The following PIK3AP1 variants were observed in gnomAD, a reference collection of about 807,000 sequenced individuals.
The protein encoded by PIK3AP1 is phosphoinositide-3-kinase adaptor protein 1, also known as phosphoinositide 3-kinase adapter protein 1.
In PIK3AP1, 21 loss-of-function variants were observed where a neutral mutation model predicts 88.1. The observed-to-expected ratio is 0.24, with a 90% confidence interval of 0.17 to 0.34. The LOEUF (loss-of-function observed/expected upper bound fraction) is 0.34, where lower values mean the gene tolerates loss of function less well. Among genes scored for constraint, PIK3AP1 ranks in the 10% least tolerant of loss-of-function variants. PIK3AP1 has a pLI of 1.00. For synonymous variants in PIK3AP1, 398 were observed against 400.0 expected (o/e 1.00, Z 0.06); for missense variants, 828 against 1,035.7 (o/e 0.80, Z 2.75).
chr10:96,710,259 A>G (rs1398275485), intron 1 of PIK3AP1, among the ~76,000 whole-genome samples: 1 of 151,818 alleles, frequency 6.6e-6, no homozygotes, highest in Non-Finnish European at 1.5e-5. Context: ...GTCTCGCTCT[A>G]TCACCCAGGC....
chr10:96,617,961 T>C (rs1843018515), intron 12 of PIK3AP1, among the ~76,000 whole-genome samples: 1 of 152,020 alleles, frequency 6.6e-6, no homozygotes, highest in South Asian at 2.1e-4. Flanking sequence ...ATGTCCATTG[T>C]GAGAGGGTGA....
At chr10:96,624,341 T>C (rs967078673) in intron 10 of PIK3AP1, among the ~76,000 whole-genome samples, 3 of 152,226 alleles carry the variant, frequency 2.0e-5, no homozygotes, top group African/African-American at 7.2e-5. Context: ...CAGCAATACC[T>C]TGGCATGCTA....
intron 4 of PIK3AP1, 92 bp from the exon 5 acceptor site, chr10:96,651,743 TGAG>T: frequency 7.1e-7 from 1 of 1,408,436 alleles, no homozygotes; most frequent in South Asian, 1.3e-5. Context: ...ATCTGAGTGG[TGAG>T]GACACTAATT....
chr10:96,693,031 C>T (rs920518029), intron 2 of PIK3AP1, among the ~76,000 whole-genome samples: 2 of 152,156 alleles, frequency 1.3e-5, no homozygotes, highest in Admixed American at 6.5e-5. Context: ...TTGCCCTGTC[C>T]ACTGTAGAAA....
intron 8 of PIK3AP1, 94 bp from the exon 9 acceptor site, chr10:96,628,587 T>C (rs1174803317): frequency 2.0e-6 from 2 of 1,018,078 alleles, no homozygotes; most frequent in African/African-American, 3.2e-5. Context: ...GCAACTCTCT[T>C]AAGAGATTCA....
chr10:96,600,592 C>T (rs1456462988), intron 16 of PIK3AP1, among the ~76,000 whole-genome samples: 1 of 152,186 alleles, frequency 6.6e-6, no homozygotes, highest in African/African-American at 2.4e-5. Context: ...ACAAATGTTG[C>T]TGGGAGCGCA....
rs1044084336 is a variant in PIK3AP1, at chr10:96,646,168, G to A, written c.1186-506C>T. ...CCAGCTACTCGGGAGGCCGAGGCAT[G>A]AGAATTGCTTGAATCCAGGAGGTGG... On this transcript the variant is annotated intron_variant, in intron 7 of 16. Coordinates refer to ENST00000339364, the MANE Select transcript of PIK3AP1 (RefSeq NM_152309.3). Among the ~76,000 whole-genome samples, 5 of 152,092 alleles carry A rather than the reference G, an allele frequency of 3.3e-5. No individual in the cohort carries two copies. The East Asian group carries it at 9.6e-4, about 29-fold the overall frequency.
At chr10:96,637,547 G>A (rs774374896) in intron 8 of PIK3AP1, among the ~76,000 whole-genome samples, 11 of 151,776 alleles carry the variant, frequency 7.2e-5, no homozygotes, top group Non-Finnish European at 1.5e-4. Context: ...GTGGGTTTTC[G>A]CCATGTTGCC....
At chr10:96,641,429 T>A (rs941219768) in intron 8 of PIK3AP1, among the ~76,000 whole-genome samples, 2 of 152,200 alleles carry the variant, frequency 1.3e-5, no homozygotes, top group African/African-American at 4.8e-5. Flanking sequence ...GTTTGTCCTG[T>A]GAGCGAATCA....
chr10:96,636,816 C>A (rs893511439), intron 8 of PIK3AP1, among the ~76,000 whole-genome samples: 6 of 143,238 alleles, frequency 4.2e-5, no homozygotes. Flanking sequence ...CCAGAAAGAA[C>A]CCACTCCTGG....
chr10:96,636,035 G>A (rs531419393), intron 8 of PIK3AP1, among the ~76,000 whole-genome samples: 17 of 152,124 alleles, frequency 1.1e-4, no homozygotes, highest in Non-Finnish European at 1.6e-4. Context: ...GTAAAACCCC[G>A]TCTCTACTAA....
chr10:96,617,149 A>G (rs1233311011), intron 12 of PIK3AP1, among the ~76,000 whole-genome samples: 1 of 152,194 alleles, frequency 6.6e-6, no homozygotes, highest in East Asian at 1.9e-4. Context: ...ACCATCCAGC[A>G]CTTGGGCTAT....
At position 96,709,943 on chromosome 10, in the gene PIK3AP1, C is replaced by G; in HGVS notation, c.54G>C (p.Pro18=). 6.2e-7 allele frequency: 1 copy of G among 1,602,678 alleles called. No individual in the cohort carries two copies. Among genetic ancestry groups the G allele is most frequent in the Non-Finnish European group, 8.5e-7 (1 of 1,171,576 alleles). ...RGCDILIVYS[P]DAEEWCQYLQ... The stretch of plus-strand genomic sequence containing the variant: ...GGTACTGGCACCATTCCTCGGCATC[C>G]GGGCTGTAGACGATGAGGATGTCGC... Residue 18 remains proline, a synonymous_variant, in exon 2 of 17, where the codon CCG becomes CCC. Transcript: ENST00000339364.
At chr10:96,675,141 C>T (rs1843900561) in intron 2 of PIK3AP1, among the ~76,000 whole-genome samples, 1 of 151,884 alleles carries the variant, frequency 6.6e-6, no homozygotes, top group South Asian at 2.1e-4. Flanking sequence ...GATCTGCCTG[C>T]CTCAGCCACC....
intron 1 of PIK3AP1, among the ~76,000 whole-genome samples, chr10:96,719,783 TC>T (rs34447563): frequency 6.6e-6 from 1 of 152,094 alleles, no homozygotes; most frequent in Non-Finnish European, 1.5e-5. Context: ...CCGCCAACTC[TC>T]CCCATTCCCC....
chr10:96,676,155 G>A (rs517490), intron 2 of PIK3AP1, among the ~76,000 whole-genome samples: 26,347 of 151,958 alleles, frequency 0.17, 3,274 homozygotes, highest in African/African-American at 0.34. Flanking sequence ...CAGCTGTGAA[G>A]CCACATCTGT....
chr10:96,628,908 G>GATATATATA (rs1843197413), intron 8 of PIK3AP1, among the ~76,000 whole-genome samples: 1 of 82,640 alleles, frequency 1.2e-5, no homozygotes, highest in South Asian at 3.9e-4. Context: ...ATATATATAT[G>GATATATATA]TGTATATATA....
intron 3 of PIK3AP1, among the ~76,000 whole-genome samples, chr10:96,655,092 G>T (rs1843596975): frequency 6.6e-6 from 1 of 152,186 alleles, no homozygotes; most frequent in South Asian, 2.1e-4. Context: ...GTCTCACCAT[G>T]TTGCCCAGGC....
intron 2 of PIK3AP1, among the ~76,000 whole-genome samples, chr10:96,677,487 T>G (rs1843939149): frequency 6.6e-6 from 1 of 150,966 alleles, no homozygotes; most frequent in African/African-American, 2.4e-5. Context: ...TAAGACAGAG[T>G]GGAAAATAAC....
Sources: gnomAD v4.1 joint callset for allele counts (sites outside exome capture counted in the v4.1 genomes callset) on GRCh38, gnomAD v4.1.1 for gene constraint, MANE v1.5 for transcripts, NCBI Gene and HGNC (gene_info 2026-07-23, HGNC 2026-07-21) for gene names.